CILP2: variants seen among roughly 807,000 people sequenced by gnomAD.
CILP2 encodes the protein CILP-2.
CILP2 carries 38 observed loss-of-function variants against 45.6 expected under a neutral mutation model. The ratio of observed to expected loss-of-function variants is 0.83; its 90% CI spans 0.64 to 1.09. The LOEUF is 1.09. Ranked by LOEUF, CILP2 falls within the 50% of genes least tolerant of loss-of-function variation. CILP2 has a pLI of 0.00. For synonymous variants in CILP2, 780 were observed against 723.5 expected, an observed-to-expected ratio of 1.08 and a Z score of -1.25; for missense variants, 1,735 against 1,662.2, an observed-to-expected ratio of 1.04 and a Z score of -0.76.
intron 1 of CILP2, 120 bp from the exon 2 acceptor site, chr19:19,539,559 G>A (rs1294858382): frequency 1.5e-5 from 8 of 530,174 alleles, no homozygotes; most frequent in African/African-American, 5.9e-5. Flanking sequence ...GGGAGATTCC[G>A]TCTCAAAAAA....
At position 19,545,596 on chromosome 19, in the gene CILP2, C is replaced by T. The variant is rs4427935; in HGVS notation, c.3051C>T (p.Ser1017=). 1 of 1,609,200 alleles carries T rather than the reference C, an allele frequency of 6.2e-7. No individual in the cohort carries two copies. Among genetic ancestry groups the T allele is most frequent in the East Asian group, 2.2e-5 (1 of 44,720 alleles). The part of the protein sequence containing the change: ...RTLVTIMPQG[S]CRRVAVNGLL... ...TGGTGACCATTATGCCCCAGGGCAG[C>T]TGCCGGCGCGTGGCCGTCAACGGAC... Residue 1017 remains serine, a synonymous_variant, in exon 8 of 8, where the codon AGC becomes AGT. Transcript: ENST00000291495.
Position 19,540,266 on chromosome 19 carries a change from A to T in CILP2, c.226A>T (p.Ser76Cys), listed in dbSNP as rs1568368766. Residue 76 changes from serine (S) to cysteine (C), a missense_variant, in exon 3 of 8, where the codon AGC (serine) becomes TGC (cysteine). Physicochemically the swap from Ser to Cys is moderately radical, Grantham distance 112. Coordinates refer to ENST00000291495, the MANE Select transcript of CILP2 (RefSeq NM_153221.2). ...DHPGGDGDFE[S>C]LAAIRFYYGP... Reference sequence around the variant, plus strand: ...CCCCGGAGGCGACGGCGACTTCGAGAGCCTGGCTGCCATCCGCTTCTACTA... The same window carrying T: ...CCCCGGAGGCGACGGCGACTTCGAGTGCCTGGCTGCCATCCGCTTCTACTA... 6.2e-7 allele frequency: 1 copy of T among 1,602,434 alleles called. No individual in the cohort carries two copies. The highest frequency in any genetic ancestry group is 8.5e-7 in the Non-Finnish European group (1 of 1,177,394).
In CILP2 at chr19:19,543,977, C is replaced by T. The variant is rs953810764; in HGVS notation, c.1432C>T (p.Arg478Cys). Reference protein sequence around the residue: ...CLPPRGLVRGRVVAADSGEPL... With the variant: ...CLPPRGLVRGCVVAADSGEPL... ...GCCCCCTCGGGGGCTGGTCCGGGGC[C>T]GTGTTGTGGCTGCTGACTCCGGGGA... Residue 478 changes from arginine (R) to cysteine (C), a missense_variant, in exon 8 of 8, where the codon CGT (arginine) becomes TGT (cysteine). Physicochemically the swap from Arg to Cys is radical, Grantham distance 180. Coordinates refer to ENST00000291495, the MANE Select transcript of CILP2 (RefSeq NM_153221.2). 4 of 1,613,388 alleles carry T rather than the reference C, an allele frequency of 2.5e-6. No homozygotes were observed. In the African/African-American group the frequency reaches 4.0e-5, roughly 16 times the overall value.
rs769469785 is a variant in CILP2, at chr19:19,540,193, G to T, written c.164-11G>T. The T allele has an allele frequency of 2.6e-6, 4 of 1,565,442 alleles. No homozygotes were observed. The highest frequency in any genetic ancestry group is 2.3e-5 in the South Asian group (2 of 87,088). ...CCGCCGCCCTGGTCCCAGCGCGTGC[G>T]GTGCCCGCAGAGGCCAGCGAGTGGA... is the stretch of plus-strand genomic sequence containing the variant. On this transcript the variant is annotated splice_polypyrimidine_tract_variant and intron_variant, in intron 2 of 7. Coordinates refer to ENST00000291495, the MANE Select transcript of CILP2 (RefSeq NM_153221.2).
rs539978641 is a variant in CILP2 at position 19,545,192 on chromosome 19, A to G, written c.2647A>G (p.Ser883Gly). 3 of 1,612,664 alleles carry G rather than the reference A, an allele frequency of 1.9e-6. No homozygotes were observed. The African/African-American group carries it at 4.0e-5, about 21-fold the overall frequency. Residue 883 changes from serine (S) to glycine (G), a missense_variant, in exon 8 of 8, where the codon AGC becomes GGC. By Grantham distance (56) the Ser-to-Gly change is moderately conservative. Coordinates refer to ENST00000291495, the MANE Select transcript of CILP2 (RefSeq NM_153221.2). ...CAATGGGCCTGTGTACCCGTGGCGC[A>G]GCCTGCGGGAATGCCAGGGGGCCCC... ...EANGPVYPWR[S>G]LRECQGAPVT...
In CILP2 at chr19:19,544,045, C is replaced by T. The variant is rs1386748289; in HGVS notation, c.1500C>T (p.Ile500=). The change falls in exon 8 of 8, where the codon ATC becomes ATT. Residue 500 remains isoleucine (I), a synonymous_variant. Coordinates refer to ENST00000291495, the MANE Select transcript of CILP2 (RefSeq NM_153221.2). ...FARILLGQEP[I]GFTAYQGDFT... The stretch of plus-strand genomic sequence containing the variant: ...GGATTCTGCTGGGCCAGGAGCCCAT[C>T]GGCTTCACCGCCTACCAGGGCGACT... The T allele has an allele frequency of 1.9e-6, 3 of 1,613,776 alleles. No homozygotes were observed. Among genetic ancestry groups the T allele is most frequent in the African/African-American group, 1.3e-5 (1 of 74,954 alleles).
In CILP2 at chr19:19,544,387, C is replaced by A. The variant is rs940816988; in HGVS notation, c.1842C>A (p.Asp614Glu). 23 of 1,610,232 alleles carry A rather than the reference C, an allele frequency of 1.4e-5. No individual in the cohort carries two copies. Among genetic ancestry groups the A allele is most frequent in the Non-Finnish European group, 1.9e-5 (22 of 1,179,438 alleles). The change falls in exon 8 of 8, where the codon GAC becomes GAA. Residue 614 changes from aspartate to glutamate, a missense_variant. By Grantham distance (45) the Asp-to-Glu change is conservative. Transcript: ENST00000291495. ...GGGTGACGTTCGTGGACCCCCGAGA[C>A]CTCACCTCGGCGGCGTCTGCCCCCA... ...EARVTFVDPR[D>E]LTSAASAPSD... is the part of the protein sequence containing the mutation.
At chr19:19,541,774 C>T (rs1326040984) in intron 4 of CILP2, among the ~76,000 whole-genome samples, 2 of 152,214 alleles carry the variant, frequency 1.3e-5, no homozygotes, top group Non-Finnish European at 2.9e-5. Flanking sequence ...TAGGCCCTCC[C>T]AGGGCCAGAC....
At chr19:19,539,190 C>A (rs910540474) in intron 1 of CILP2, among the ~76,000 whole-genome samples, 7 of 152,060 alleles carry the variant, frequency 4.6e-5, no homozygotes, top group Non-Finnish European at 1.0e-4. Context: ...GGGCAGCGCG[C>A]TGGAGGAGAG....
At chr19:19,539,582 G>C (rs886677283) in intron 1 of CILP2, 97 bp from the exon 2 acceptor site, 24 of 703,380 alleles carry the variant, frequency 3.4e-5, no homozygotes, top group African/African-American at 9.6e-5. Flanking sequence ...AAAAAAAAAG[G>C]GGGGGGATGA....
chr19:19,545,568 C>A lies in CILP2; in HGVS notation c.3023C>A (p.Thr1008Lys), dbSNP rs749540191. 6.2e-7 allele frequency: 1 copy of A among 1,611,314 alleles called. No homozygotes were observed. Among genetic ancestry groups the A allele is most frequent in the Non-Finnish European group, 8.5e-7 (1 of 1,179,266 alleles). ...MLFDQRQVDR[T>K]LVTIMPQGSC... is the part of the protein sequence containing the mutation. ...TTCGACCAGCGGCAGGTGGACAGGACGCTGGTGACCATTATGCCCCAGGGC... is the reference window on the plus strand; with the variant it reads ...TTCGACCAGCGGCAGGTGGACAGGAAGCTGGTGACCATTATGCCCCAGGGC... The change falls in exon 8 of 8, where the codon ACG becomes AAG. Residue 1008 changes from threonine (T) to lysine (K), a missense_variant. Physicochemically the swap from Thr to Lys is moderately conservative, Grantham distance 78 (BLOSUM62 -1). Transcript: ENST00000291495.
chr19:19,543,102 G>A, intron 6 of CILP2, 130 bp downstream of exon 6: 1 of 1,001,822 alleles, frequency 1.0e-6, no homozygotes, highest in Non-Finnish European at 1.5e-6. Flanking sequence ...GGTGGGAGAG[G>A]GACTACCAAG....
At position 19,546,095 on chromosome 19, in the gene CILP2, G is replaced by C; in HGVS notation, c.*79G>C. 6.5e-6 allele frequency: 8 copies of C among 1,225,888 alleles called. No individual in the cohort carries two copies. Among genetic ancestry groups the C allele is most frequent in the Non-Finnish European group, 8.5e-6 (8 of 938,510 alleles). 75.9% of individuals were successfully genotyped at this position (1,225,888 alleles called of 1,614,324 possible). On this transcript the variant is annotated 3_prime_UTR_variant, in exon 8 of 8. Coordinates refer to ENST00000291495, the MANE Select transcript of CILP2 (RefSeq NM_153221.2). Reference sequence around the variant, plus strand: ...AAGTTTTGCCCCTCCTTCTTCTCCAGACAGCCCCCTCCCCAGGTGTCTGGG... The same window carrying C: ...AAGTTTTGCCCCTCCTTCTTCTCCACACAGCCCCCTCCCCAGGTGTCTGGG...
chr19:19,540,091 G>A, intron 2 of CILP2, 113 bp from the exon 3 acceptor site: 5 of 1,361,636 alleles, frequency 3.7e-6, no homozygotes, highest in Non-Finnish European at 4.8e-6. Context: ...GGGCGCGCTC[G>A]GCTAGCCGGT....
At chr19:19,542,326 A>T (rs376275130) in intron 4 of CILP2, 49 bp from the exon 5 acceptor site, 27 of 1,567,684 alleles carry the variant, frequency 1.7e-5, no homozygotes, top group Middle Eastern at 3.4e-4. Flanking sequence ...CCTCCTCAGG[A>T]GGGAGTGTGA....
chr19:19,545,872 C>G lies in CILP2; in HGVS notation c.3327C>G (p.Ala1109=), dbSNP rs760335988. The part of the protein sequence containing the change: ...AVTFQCREPP[A]GRPSLFQRLL... ...CCTTCCAGTGCCGGGAGCCACCGGCCGGACGACCCAGCCTCTTCCAGAGGC... is the reference window on the plus strand; with the variant it reads ...CCTTCCAGTGCCGGGAGCCACCGGCGGGACGACCCAGCCTCTTCCAGAGGC... Residue 1109 remains alanine, a synonymous_variant, in exon 8 of 8, where the codon GCC becomes GCG. Transcript: ENST00000291495. 4.4e-6 allele frequency: 7 copies of G among 1,587,292 alleles called. No homozygotes were observed. Among genetic ancestry groups the G allele is most frequent in the Admixed American group, 1.7e-5 (1 of 58,256 alleles).
At chr19:19,539,453 A>G (rs1232026025) in intron 1 of CILP2, among the ~76,000 whole-genome samples, 1 of 151,464 alleles carries the variant, frequency 6.6e-6, no homozygotes, top group African/African-American at 2.4e-5. Context: ...AATCCCAGCT[A>G]CTCAGGAGGC....
chr19:19,539,671 A>AC lies in CILP2; in HGVS notation c.65-5dup, dbSNP rs2061236555. 1 of 1,563,450 alleles carries AC rather than the reference A, an allele frequency of 6.4e-7. No individual in the cohort carries two copies. The highest frequency in any genetic ancestry group is 1.2e-5 in the South Asian group (1 of 85,786). ...GCGTGCTTCCTTCTCCCCACTCCTC[A>AC]CCCACAGACGCCACCCCCACCGAGG... On this transcript the variant is annotated splice_polypyrimidine_tract_variant and splice_region_variant and intron_variant, in intron 1 of 7. Transcript: ENST00000291495.
rs755932026 is a variant in CILP2 at position 19,545,307 on chromosome 19, C to T, written c.2762C>T (p.Ser921Phe). 4 of 1,612,830 alleles carry T rather than the reference C, an allele frequency of 2.5e-6. No individual in the cohort carries two copies. Among genetic ancestry groups the T allele is most frequent in the Non-Finnish European group, 3.4e-6 (4 of 1,179,904 alleles). The change falls in exon 8 of 8, where the codon TCC becomes TTC. Residue 921 changes from serine (S) to phenylalanine (F), a missense_variant. Ser to Phe is a radical substitution (Grantham distance 155). Coordinates refer to ENST00000291495, the MANE Select transcript of CILP2 (RefSeq NM_153221.2). ...CCCTTCCGAGAGGGCACACCTGCCT[C>T]CTGGACTGGCGATCTCCTGGCCTGG... ...VVPFREGTPA[S>F]WTGDLLAWWP...
Sources: allele counts gnomAD v4.1 joint callset (sites outside exome capture counted in the v4.1 genomes callset), GRCh38; gene constraint gnomAD v4.1.1; transcripts MANE v1.5; gene names NCBI Gene and HGNC (gene_info 2026-07-23, HGNC 2026-07-21).